Variants in FERMT2 observed in about 807,000 individuals in gnomAD.
FERMT2 encodes the protein fermitin family homolog 2.
Under a neutral mutation model 82.7 loss-of-function variants are expected in FERMT2, and 15 were observed. The ratio of observed to expected loss-of-function variants is 0.18; its 90% confidence interval spans 0.12 to 0.28. FERMT2 has a LOEUF of 0.28. FERMT2 is among the 10% of genes least tolerant of loss of function. FERMT2 has a pLI of 1.00. For missense variants in FERMT2, 645 were observed against 809.4 expected, an observed-to-expected ratio of 0.80 and a Z score of 2.46; for synonymous variants, 274 against 271.5, an observed-to-expected ratio of 1.01 and a Z score of -0.09.
intron 7 of FERMT2, among the ~76,000 whole-genome samples, chr14:52,875,578 G>T (rs144915105): frequency 6.6e-6 from 1 of 151,964 alleles, no homozygotes; most frequent in African/African-American, 2.4e-5. Flanking sequence ...ACATACCAAT[G>T]AATTCATCAT....
chr14:52,930,420 C>A (rs538216805), intron 2 of FERMT2, among the ~76,000 whole-genome samples: 84 of 152,314 alleles, frequency 5.5e-4, no homozygotes, highest in Non-Finnish European at 9.8e-4. Context: ...TGACTAGCAA[C>A]ACTCTACCTT....
intron 4 of FERMT2, among the ~76,000 whole-genome samples, chr14:52,887,663 T>TAA (rs987931655): frequency 2.0e-5 from 3 of 147,168 alleles, no homozygotes; most frequent in Non-Finnish European, 4.5e-5. Context: ...CCCTGTCTCT[T>TAA]AAAAAAAAAA....
chr14:52,942,418 T>A (rs1169657937), intron 2 of FERMT2, among the ~76,000 whole-genome samples: 1 of 150,630 alleles, frequency 6.6e-6, no homozygotes, highest in Admixed American at 6.7e-5. Flanking sequence ...TTCTCCAGCC[T>A]CAGCCTCCCG....
intron 2 of FERMT2, among the ~76,000 whole-genome samples, chr14:52,934,429 T>C (rs11623113): frequency 0.73 from 111,421 of 152,202 alleles, 40,948 homozygotes; most frequent in South Asian, 0.8. Flanking sequence ...AATCATATAA[T>C]TTATGATGTG....
intron 3 of FERMT2, among the ~76,000 whole-genome samples, chr14:52,907,256 T>G (rs1023583169): frequency 5.9e-5 from 9 of 152,130 alleles, no homozygotes; most frequent in Non-Finnish European, 1.3e-4. Context: ...CAGGTGATCT[T>G]TGGCCTCCCA....
intron 2 of FERMT2, among the ~76,000 whole-genome samples, chr14:52,930,861 T>G (rs1379839023): frequency 6.6e-6 from 1 of 152,190 alleles, no homozygotes; most frequent in Non-Finnish European, 1.5e-5. Flanking sequence ...GTTTATAATA[T>G]TATCCTTAAT....
chr14:52,881,466 C>A lies in FERMT2; in HGVS notation c.530G>T (p.Ser177Ile). 1 of 1,599,662 alleles carries A rather than the reference C, an allele frequency of 6.3e-7. No homozygotes were observed. The highest frequency in any genetic ancestry group is 8.6e-7 in the Non-Finnish European group (1 of 1,167,868). The stretch of plus-strand genomic sequence containing the variant: ...ATACAGTCCTGGGCTTGAATATATA[C>A]TTCCTAATAAGTAACATGAAAAACA... ...EGPLITPGSGSIYSSPGLYSK... is the reference protein window; with the variant it reads ...EGPLITPGSGIIYSSPGLYSK... Residue 177 changes from serine to isoleucine, a missense_variant, in exon 5 of 15, where the codon AGT (serine) becomes ATT (isoleucine). Physicochemically the swap from Ser to Ile is moderately radical, Grantham distance 142 (BLOSUM62 -2). Transcript: ENST00000341590.
Position 52,948,871 on chromosome 14 carries a change from A to G in FERMT2, c.157+1541T>C, listed in dbSNP as rs568585777. 4.6e-5 allele frequency among the ~76,000 whole-genome samples: 7 copies of G among 152,340 alleles called. No homozygotes were observed. In the South Asian group the frequency reaches 1.5e-3, roughly 32 times the overall value. On this transcript the variant is annotated intron_variant, in intron 2 of 14. Coordinates refer to ENST00000341590, the MANE Select transcript of FERMT2 (RefSeq NM_006832.3). ...AATGTATTAATATGGTCCATTTACC[A>G]TAAATTAGAAAAGCTCTAACAAAAA...
chr14:52,879,443 T>A (rs2140112731), intron 6 of FERMT2, among the ~76,000 whole-genome samples: 1 of 152,254 alleles, frequency 6.6e-6, no homozygotes, highest in South Asian at 2.1e-4. Flanking sequence ...CCTTTCAGCA[T>A]CATGTCAGCC....
chr14:52,865,065 G>C (rs1419937751), intron 10 of FERMT2, among the ~76,000 whole-genome samples: 1 of 152,186 alleles, frequency 6.6e-6, no homozygotes, highest in Non-Finnish European at 1.5e-5. Flanking sequence ...GCTCACGCCT[G>C]TAATCTCAGC....
Position 52,875,343 on chromosome 14 carries a change from CTTA to C in FERMT2, c.975_977del (p.Asn325del), listed in dbSNP as rs1225749973. ...GATTCTCTGATGTCATGATTGACAGCTTATTGATATGATACTGAAACCAGAATT... is the reference window on the plus strand; with the variant it reads ...GATTCTCTGATGTCATGATTGACAGCTTGATATGATACTGAAACCAGAATT... On this transcript the variant is annotated inframe_deletion, in exon 8 of 15. Coordinates refer to ENST00000341590, the MANE Select transcript of FERMT2 (RefSeq NM_006832.3). 3 of 1,602,226 alleles carry C rather than the reference CTTA, an allele frequency of 1.9e-6. No homozygotes were observed. Among genetic ancestry groups the C allele is most frequent in the African/African-American group, 2.7e-5 (2 of 74,462 alleles).
At chr14:52,897,808 C>A (rs1887376664) in intron 3 of FERMT2, among the ~76,000 whole-genome samples, 3 of 151,954 alleles carry the variant, frequency 2.0e-5, no homozygotes, top group African/African-American at 7.3e-5. Flanking sequence ...GAAACCCCGT[C>A]TCTACTAAAA....
At chr14:52,918,158 T>TA (rs372643785) in intron 3 of FERMT2, among the ~76,000 whole-genome samples, 6 of 152,290 alleles carry the variant, frequency 3.9e-5, no homozygotes, top group African/African-American at 1.4e-4. Context: ...GGCCAAGAAG[T>TA]AATTGGATGT....
At chr14:52,915,819 T>C (rs1282658865) in intron 3 of FERMT2, among the ~76,000 whole-genome samples, 6 of 152,174 alleles carry the variant, frequency 3.9e-5, no homozygotes, top group East Asian at 1.9e-4. Flanking sequence ...AGGTTTATAA[T>C]AGACCAGGAG....
intron 13 of FERMT2, 197 bp downstream of exon 13, chr14:52,860,140 AAAAC>A: frequency 1.9e-6 from 1 of 531,618 alleles, no homozygotes; most frequent in East Asian, 3.4e-5. Flanking sequence ...TCTTAGTAGT[AAAAC>A]AAACACAATT....
intron 2 of FERMT2, among the ~76,000 whole-genome samples, chr14:52,928,980 C>T (rs1478859688): frequency 6.6e-6 from 1 of 152,150 alleles, no homozygotes; most frequent in Non-Finnish European, 1.5e-5. Flanking sequence ...CATCCATTCT[C>T]ATAGCTTTAA....
At chr14:52,880,648 T>G (rs1439402682) in intron 6 of FERMT2, among the ~76,000 whole-genome samples, 2 of 152,096 alleles carry the variant, frequency 1.3e-5, no homozygotes, top group Admixed American at 6.6e-5. Flanking sequence ...CCGCCCACCT[T>G]GGGTTCTCAA....
At chr14:52,896,379 G>T (rs1337549204) in intron 3 of FERMT2, among the ~76,000 whole-genome samples, 1 of 152,144 alleles carries the variant, frequency 6.6e-6, no homozygotes, top group Non-Finnish European at 1.5e-5. Flanking sequence ...ACATCCACTA[G>T]ATTCAACCCA....
At chr14:52,941,256 C>T (rs2139698658) in intron 2 of FERMT2, among the ~76,000 whole-genome samples, 1 of 152,226 alleles carries the variant, frequency 6.6e-6, no homozygotes, top group Admixed American at 6.5e-5. Flanking sequence ...CTAGAAAAGG[C>T]AAATTATCAC....
Sources: gnomAD v4.1 joint callset for allele counts (sites outside exome capture counted in the v4.1 genomes callset) on GRCh38, gnomAD v4.1.1 for gene constraint, MANE v1.5 for transcripts, NCBI Gene and HGNC (gene_info 2026-07-23, HGNC 2026-07-21) for gene names.